The following SNTG1 variants were observed in gnomAD, a reference collection of about 807,000 sequenced individuals.
SNTG1 encodes the protein syntrophin gamma 1, also known as gamma-1-syntrophin.
A neutral mutation model predicts 74.7 loss-of-function variants in SNTG1; 39 were observed. The observed-to-expected ratio is 0.52, with a 90% confidence interval of 0.40 to 0.68. The LOEUF is 0.68. SNTG1 is among the 30% of genes least tolerant of loss of function. SNTG1 has a pLI of 0.00. For missense variants in SNTG1, 685 were observed against 609.5 expected (o/e 1.12, Z -1.30); for synonymous variants, 254 against 217.1 (o/e 1.17, Z -1.49).
chr8:50,373,654 A>G (rs2092316912), intron 2 of SNTG1, among the ~76,000 whole-genome samples: 1 of 152,230 alleles, frequency 6.6e-6, no homozygotes, highest in African/African-American at 2.4e-5. Context: ...TTAATCTCAC[A>G]TGACAGCTTA....
chr8:50,737,829 T>C (rs1292499525), intron 17 of SNTG1, among the ~76,000 whole-genome samples: 1 of 152,148 alleles, frequency 6.6e-6, no homozygotes, highest in Non-Finnish European at 1.5e-5. Flanking sequence ...TCTCAGTAGA[T>C]GCAGAAAAGG....
chr8:50,478,757 T>A (rs1299260043), intron 8 of SNTG1, among the ~76,000 whole-genome samples: 1 of 152,152 alleles, frequency 6.6e-6, no homozygotes, highest in Non-Finnish European at 1.5e-5. Context: ...GTCCTTGAAA[T>A]GAGAAAGCAA....
chr8:50,659,820 T>A (rs942871581), intron 15 of SNTG1, among the ~76,000 whole-genome samples: 22 of 152,170 alleles, frequency 1.4e-4, no homozygotes, highest in African/African-American at 5.3e-4. Flanking sequence ...TCTGAAATAA[T>A]TGCCAAAATG....
intron 1 of SNTG1, among the ~76,000 whole-genome samples, chr8:50,015,850 G>A (rs1288862829): frequency 6.6e-6 from 1 of 152,146 alleles, no homozygotes; most frequent in South Asian, 2.1e-4. Context: ...TGGGCTGCTT[G>A]AAGAAGTTGT....
At chr8:50,223,798 A>G (rs2085187060) in intron 2 of SNTG1, among the ~76,000 whole-genome samples, 1 of 152,162 alleles carries the variant, frequency 6.6e-6, no homozygotes. Context: ...CTGTAAATTC[A>G]GGAACATGAC....
At chr8:50,635,380 T>C (rs1402600265) in intron 13 of SNTG1, among the ~76,000 whole-genome samples, 3 of 152,120 alleles carry the variant, frequency 2.0e-5, no homozygotes, top group Non-Finnish European at 4.4e-5. Flanking sequence ...TTAGGGGCAG[T>C]GAGTTTTTTC....
chr8:50,236,221 A>G (rs952485719), intron 2 of SNTG1, among the ~76,000 whole-genome samples: 3 of 152,194 alleles, frequency 2.0e-5, no homozygotes, highest in Non-Finnish European at 4.4e-5. Context: ...GCTCAGGTGT[A>G]CTGAATACAA....
intron 1 of SNTG1, among the ~76,000 whole-genome samples, chr8:50,093,033 C>T (rs1186130567): frequency 6.6e-6 from 1 of 152,062 alleles, no homozygotes. Context: ...AATATTAACA[C>T]CCATCTGTGT....
chr8:50,107,314 T>C (rs907963129), intron 1 of SNTG1, among the ~76,000 whole-genome samples: 1 of 152,090 alleles, frequency 6.6e-6, no homozygotes, highest in African/African-American at 2.4e-5. Flanking sequence ...GGAAGGAATA[T>C]TGGCAACATA....
intron 1 of SNTG1, among the ~76,000 whole-genome samples, chr8:50,028,461 G>A (rs930443929): frequency 6.6e-6 from 1 of 151,986 alleles, no homozygotes; most frequent in Non-Finnish European, 1.5e-5. Flanking sequence ...CCATTTCCAT[G>A]AAATAAATGG....
At chr8:50,053,083 T>C (rs75199261) in intron 1 of SNTG1, among the ~76,000 whole-genome samples, 1 of 152,074 alleles carries the variant, frequency 6.6e-6, no homozygotes, top group African/African-American at 2.4e-5. Flanking sequence ...CGTCCCATAT[T>C]CACCCAAGAT....
At chr8:50,614,583 G>A (rs1033594357) in intron 13 of SNTG1, among the ~76,000 whole-genome samples, 4 of 152,096 alleles carry the variant, frequency 2.6e-5, no homozygotes, top group Non-Finnish European at 5.9e-5. Context: ...TACTCAATGA[G>A]CAATGACCTA....
At chr8:49,919,788 AC>A (rs1175546183) in intron 1 of SNTG1, among the ~76,000 whole-genome samples, 1 of 152,060 alleles carries the variant, frequency 6.6e-6, no homozygotes, top group Admixed American at 6.6e-5. Context: ...TCCTTATTTA[AC>A]ACATGGTGGA....
chr8:50,161,781 A>C (rs540264442), intron 1 of SNTG1, among the ~76,000 whole-genome samples: 89 of 152,228 alleles, frequency 5.8e-4, no homozygotes, highest in Middle Eastern at 3.2e-3. Flanking sequence ...AGAAAAAAAA[A>C]GTCACCCAAT....
intron 2 of SNTG1, among the ~76,000 whole-genome samples, chr8:50,380,221 A>G (rs1171514834): frequency 6.6e-6 from 1 of 152,240 alleles, no homozygotes; most frequent in Non-Finnish European, 1.5e-5. Context: ...ATGAACAAAA[A>G]ATTCACACAA....
chr8:50,212,514 A>G (rs1240511801), intron 2 of SNTG1, among the ~76,000 whole-genome samples: 1 of 152,176 alleles, frequency 6.6e-6, no homozygotes, highest in Non-Finnish European at 1.5e-5. Context: ...ATACAGAAAG[A>G]TACAGATCCA....
intron 15 of SNTG1, among the ~76,000 whole-genome samples, chr8:50,682,894 T>C (rs2095336882): frequency 6.6e-6 from 1 of 152,184 alleles, no homozygotes; most frequent in Admixed American, 6.5e-5. Flanking sequence ...TAGTTTACTC[T>C]TTTACTTCAC....
rs546991493 is a variant in SNTG1, at chr8:50,114,738, G to A, written c.-102-57823G>A. Among the ~76,000 whole-genome samples, 11 of 152,048 alleles carry A rather than the reference G, an allele frequency of 7.2e-5. No homozygotes were observed. The South Asian group carries it at 1.5e-3, about 20-fold the overall frequency. The stretch of plus-strand genomic sequence containing the variant: ...AAATTAGCTGGGCGTAGATGTGCAC[G>A]CCTGTAGTCCCAGCTACTCTGGAGG... On this transcript the variant is annotated intron_variant, in intron 1 of 18. Coordinates refer to ENST00000642720, the MANE Select transcript of SNTG1 (RefSeq NM_018967.5).
intron 13 of SNTG1, among the ~76,000 whole-genome samples, chr8:50,631,031 C>A (rs2094993688): frequency 6.6e-6 from 1 of 152,174 alleles, no homozygotes; most frequent in Non-Finnish European, 1.5e-5. Context: ...CAGGGATAAA[C>A]CTAGGAATTT....
Sources: allele counts gnomAD v4.1 joint callset (sites outside exome capture counted in the v4.1 genomes callset), GRCh38; gene constraint gnomAD v4.1.1; transcripts MANE v1.5; gene names NCBI Gene and HGNC (gene_info 2026-07-23, HGNC 2026-07-21).